ADGRB3: variants seen among roughly 807,000 people sequenced by gnomAD.
The protein encoded by ADGRB3 is adhesion G protein-coupled receptor B3, also known as brain-specific angiogenesis inhibitor 3.
A neutral mutation model predicts 193.4 loss-of-function variants in ADGRB3; 37 were observed. That is an observed-to-expected ratio of 0.19 (90% CI 0.15 to 0.25). The LOEUF is 0.25. Among genes scored for constraint, ADGRB3 ranks in the 10% least tolerant of loss-of-function variants. ADGRB3 has a pLI of 1.00. For missense variants in ADGRB3, 1,637 were observed against 1,852.9 expected (o/e 0.88, Z 2.14); for synonymous variants, 690 against 644.2 (o/e 1.07, Z -1.08).
intron 3 of ADGRB3, among the ~76,000 whole-genome samples, chr6:68,852,407 G>T (rs1768422727): frequency 6.6e-6 from 1 of 151,846 alleles, no homozygotes; most frequent in South Asian, 2.1e-4. Context: ...CATGGTAATA[G>T]ACCTCTAACA....
rs1561962642 is a variant in ADGRB3 at position 69,238,516 on chromosome 6, A to ATTTATT, written c.2712-603_2712-598dup. ...TAGTGAATTATCATTTGTGGATTGG[A>ATTTATT]TTTATTTTTAGAAATAAAGATTCAT... On this transcript the variant is annotated intron_variant, in intron 19 of 31. Transcript: ENST00000370598. 2.3e-3 allele frequency among the ~76,000 whole-genome samples: 355 copies of ATTTATT among 152,188 alleles called. 6 individuals are homozygous for ATTTATT. The highest frequency in any genetic ancestry group is 6.2e-3 in the African/African-American group (258 of 41,556).
chr6:68,785,625 A>C (rs1766951344), intron 3 of ADGRB3, among the ~76,000 whole-genome samples: 1 of 152,140 alleles, frequency 6.6e-6, no homozygotes, highest in Non-Finnish European at 1.5e-5. Flanking sequence ...ATACATATGC[A>C]TGTGTCTTTA....
intron 26 of ADGRB3, among the ~76,000 whole-genome samples, chr6:69,346,199 G>A (rs1769084875): frequency 1.3e-5 from 2 of 152,156 alleles, no homozygotes; most frequent in Admixed American, 6.5e-5. Flanking sequence ...TCCCTATCAA[G>A]CTACCATTGA....
At chr6:69,338,840 T>C in intron 24 of ADGRB3, 76 bp from the exon 25 acceptor site, 2 of 1,269,610 alleles carry the variant, frequency 1.6e-6, no homozygotes, top group East Asian at 2.3e-5. Flanking sequence ...ATTTAAAAGC[T>C]AACTTGAAGC....
At position 68,894,216 on chromosome 6, in the gene ADGRB3, T is replaced by C. The variant is rs1351288480; in HGVS notation, c.758-36343T>C. Among the ~76,000 whole-genome samples, 7 of 152,048 alleles carry C rather than the reference T, an allele frequency of 4.6e-5. No individual in the cohort carries two copies. In the South Asian group the frequency reaches 6.2e-4, roughly 13 times the overall value. On this transcript the variant is annotated intron_variant, in intron 3 of 31. Coordinates refer to ENST00000370598, the MANE Select transcript of ADGRB3 (RefSeq NM_001704.3). The stretch of plus-strand genomic sequence containing the variant: ...TATCTATTGAATTTGATAACAATAA[T>C]ACATCCCCATGTAGGAATACATTGC...
At chr6:69,129,611 T>C (rs1773950775) in intron 17 of ADGRB3, among the ~76,000 whole-genome samples, 1 of 152,072 alleles carries the variant, frequency 6.6e-6, no homozygotes, top group South Asian at 2.1e-4. Context: ...AACGTTTCAT[T>C]CTTAAAATCG....
chr6:69,338,464 A>G (rs1346313932), intron 24 of ADGRB3, among the ~76,000 whole-genome samples: 11 of 152,182 alleles, frequency 7.2e-5, no homozygotes, highest in South Asian at 2.1e-4. Flanking sequence ...ATTTCTTCCT[A>G]TGTTGGACTT....
chr6:68,916,345 T>G (rs2150240005), intron 3 of ADGRB3, among the ~76,000 whole-genome samples: 1 of 152,322 alleles, frequency 6.6e-6, no homozygotes, highest in Non-Finnish European at 1.5e-5. Context: ...TGAGTAAAGT[T>G]AATATTATGA....
chr6:69,005,615 A>G (rs1769724750), intron 11 of ADGRB3, among the ~76,000 whole-genome samples: 1 of 152,076 alleles, frequency 6.6e-6, no homozygotes, highest in Non-Finnish European at 1.5e-5. Flanking sequence ...CGGCCGACCT[A>G]GTGAGTATTA....
intron 3 of ADGRB3, among the ~76,000 whole-genome samples, chr6:68,752,369 C>T (rs1320170351): frequency 3.3e-5 from 5 of 151,600 alleles, no homozygotes; most frequent in African/African-American, 7.3e-5. Context: ...CTCCACCTCC[C>T]GGGTTCCAGC....
At chr6:68,773,501 C>A (rs539959264) in intron 3 of ADGRB3, among the ~76,000 whole-genome samples, 1 of 152,130 alleles carries the variant, frequency 6.6e-6, no homozygotes, top group Admixed American at 6.6e-5. Flanking sequence ...TTCATGCATT[C>A]ATTAATTCAA....
intron 17 of ADGRB3, among the ~76,000 whole-genome samples, chr6:69,126,788 C>A (rs1288233775): frequency 6.6e-6 from 1 of 152,194 alleles, no homozygotes; most frequent in Non-Finnish European, 1.5e-5. Context: ...ATCACACTTA[C>A]CTTCCTATAG....
intron 3 of ADGRB3, among the ~76,000 whole-genome samples, chr6:68,844,338 A>G (rs565898241): frequency 2.6e-4 from 39 of 152,320 alleles, no homozygotes; most frequent in African/African-American, 8.9e-4. Context: ...AAAAAATCCA[A>G]TAGTCCAATT....
At chr6:69,194,756 C>T (rs1404360175) in intron 17 of ADGRB3, among the ~76,000 whole-genome samples, 5 of 152,004 alleles carry the variant, frequency 3.3e-5, no homozygotes, top group African/African-American at 4.8e-5. Flanking sequence ...GTGGAGCCTC[C>T]AGGGCTACTC....
At chr6:69,012,833 C>T (rs902430210) in intron 11 of ADGRB3, among the ~76,000 whole-genome samples, 3 of 151,992 alleles carry the variant, frequency 2.0e-5, no homozygotes, top group Non-Finnish European at 2.9e-5. Flanking sequence ...GAAATTAGTG[C>T]AAATGCCTGT....
intron 16 of ADGRB3, among the ~76,000 whole-genome samples, chr6:69,071,863 G>T (rs939263823): frequency 6.6e-6 from 1 of 151,998 alleles, no homozygotes; most frequent in South Asian, 2.1e-4. Context: ...CTCTCACCGT[G>T]TCATTACATT....
At chr6:68,997,536 A>G (rs1244261175) in intron 11 of ADGRB3, among the ~76,000 whole-genome samples, 1 of 150,548 alleles carries the variant, frequency 6.6e-6, no homozygotes, top group Non-Finnish European at 1.5e-5. Flanking sequence ...CATGCCTGTA[A>G]TTCTAGCTAC....
intron 8 of ADGRB3, among the ~76,000 whole-genome samples, chr6:68,971,597 G>A (rs1768570254): frequency 6.6e-6 from 1 of 152,050 alleles, no homozygotes; most frequent in Admixed American, 6.5e-5. Context: ...AGGGAGTTGA[G>A]CATCAGTGAA....
chr6:68,839,327 T>G (rs1768105965), intron 3 of ADGRB3, among the ~76,000 whole-genome samples: 1 of 152,214 alleles, frequency 6.6e-6, no homozygotes, highest in Non-Finnish European at 1.5e-5. Context: ...TTAATCAAAA[T>G]GTATCTAAAA....
Sources: allele counts gnomAD v4.1 joint callset (sites outside exome capture counted in the v4.1 genomes callset), GRCh38; gene constraint gnomAD v4.1.1; transcripts MANE v1.5; gene names NCBI Gene and HGNC (gene_info 2026-07-23, HGNC 2026-07-21).